The following PAPSS1 variants were observed in gnomAD, a reference collection of about 807,000 sequenced individuals.
PAPSS1 encodes bifunctional 3'-phosphoadenosine 5'-phosphosulfate synthase 1.
In PAPSS1, 50 loss-of-function variants were observed where a neutral mutation model predicts 72.0. The observed-to-expected ratio is 0.69, with a 90% CI of 0.55 to 0.88. PAPSS1 has a LOEUF of 0.88. PAPSS1 is among the 40% of genes least tolerant of loss of function. The pLI is 0.00. For synonymous variants in PAPSS1, 261 were observed against 263.6 expected, an observed-to-expected ratio of 0.99 and a Z score of 0.09; for missense variants, 657 against 782.2, an observed-to-expected ratio of 0.84 and a Z score of 1.91.
chr4:107,652,968 G>A (rs1726889025), intron 9 of PAPSS1, among the ~76,000 whole-genome samples: 1 of 151,676 alleles, frequency 6.6e-6, no homozygotes, highest in Non-Finnish European at 1.5e-5. Flanking sequence ...ATCATTATTT[G>A]CTGTGACACA....
chr4:107,637,113 G>A (rs1726405798), intron 10 of PAPSS1, among the ~76,000 whole-genome samples: 1 of 152,092 alleles, frequency 6.6e-6, no homozygotes, highest in Non-Finnish European at 1.5e-5. Flanking sequence ...GTCAATGATC[G>A]CTGATGGATA....
At chr4:107,700,820 G>A (rs1447355092) in intron 2 of PAPSS1, among the ~76,000 whole-genome samples, 2 of 152,122 alleles carry the variant, frequency 1.3e-5, no homozygotes, top group African/African-American at 2.4e-5. Flanking sequence ...CCAGTCTCTG[G>A]TATTCTGTTA....
At chr4:107,650,780 T>A (rs1222569108) in intron 9 of PAPSS1, among the ~76,000 whole-genome samples, 1 of 152,148 alleles carries the variant, frequency 6.6e-6, no homozygotes, top group Non-Finnish European at 1.5e-5. Flanking sequence ...AAAGTTAGCA[T>A]ATTTGGAATT....
In PAPSS1 at chr4:107,638,229, T is replaced by C. The variant is rs1002756992; in HGVS notation, c.1507-6369A>G. Among the ~76,000 whole-genome samples the C allele has an allele frequency of 2.6e-5, 4 of 152,234 alleles. No homozygotes were observed. In the East Asian group the frequency reaches 7.7e-4, roughly 29 times the overall value. ...GCAATGCAAAAATTATGAAATATAC[T>C]TGGACATTTCATTCTTCATCTTGTA... On this transcript the variant is annotated intron_variant, in intron 10 of 11. Transcript: ENST00000265174.
chr4:107,672,191 T>C (rs1727497248), intron 5 of PAPSS1, among the ~76,000 whole-genome samples: 1 of 152,130 alleles, frequency 6.6e-6, no homozygotes, highest in African/African-American at 2.4e-5. Context: ...ACCGGGCGCA[T>C]CTCACTGGGG....
chr4:107,675,123 A>G (rs1727603175), intron 5 of PAPSS1, among the ~76,000 whole-genome samples: 2 of 152,206 alleles, frequency 1.3e-5, no homozygotes, highest in East Asian at 3.8e-4. Context: ...AATTAAAAGA[A>G]CTAGAGAAGC....
intron 5 of PAPSS1, among the ~76,000 whole-genome samples, chr4:107,676,793 G>A (rs1298732010): frequency 1.2e-4 from 19 of 152,108 alleles, no homozygotes; most frequent in Non-Finnish European, 2.2e-4. Context: ...TATACTACAA[G>A]GCTACAGTAA....
In PAPSS1 at chr4:107,698,195, G is replaced by A. The variant is rs987542891; in HGVS notation, c.175+2976C>T. 6.6e-5 allele frequency among the ~76,000 whole-genome samples: 10 copies of A among 152,068 alleles called. No homozygotes were observed. The East Asian group carries it at 7.7e-4, about 12-fold the overall frequency. Reference sequence around the variant, plus strand: ...TAAAATCTGATAAAAAGTGAAACACGTCTAGCAAAACAGCATACAAAAATC... The same window carrying A: ...TAAAATCTGATAAAAAGTGAAACACATCTAGCAAAACAGCATACAAAAATC... On this transcript the variant is annotated intron_variant, in intron 2 of 11. Coordinates refer to ENST00000265174, the MANE Select transcript of PAPSS1 (RefSeq NM_005443.5).
At chr4:107,614,624 T>C (rs535546910) in intron 11 of PAPSS1, among the ~76,000 whole-genome samples, 87 of 152,294 alleles carry the variant, frequency 5.7e-4, no homozygotes, top group African/African-American at 2.0e-3. Context: ...GAGACCATTG[T>C]AGAGTCACAT....
At chr4:107,654,038 C>T (rs1726930129) in intron 8 of PAPSS1, among the ~76,000 whole-genome samples, 1 of 152,172 alleles carries the variant, frequency 6.6e-6, no homozygotes, top group Non-Finnish European at 1.5e-5. Flanking sequence ...CTCCACACCA[C>T]CTCAAATTTC....
chr4:107,617,489 T>C (rs1367165322), intron 11 of PAPSS1, among the ~76,000 whole-genome samples: 2 of 152,198 alleles, frequency 1.3e-5, no homozygotes, highest in East Asian at 3.9e-4. Context: ...TGTGACTCAT[T>C]TAATCAGTCA....
chr4:107,656,169 G>A (rs1727000175), intron 7 of PAPSS1, among the ~76,000 whole-genome samples: 3 of 152,074 alleles, frequency 2.0e-5, no homozygotes, highest in Admixed American at 2.0e-4. Flanking sequence ...CTAGAGTATA[G>A]TGGTGCCATG....
rs1553923320 is a variant in PAPSS1 at position 107,720,226 on chromosome 4, T to TAGCAAGAGGAGGGCAGGCC, written c.-48_-47insGGCCTGCCCTCCTCTTGCT. The TAGCAAGAGGAGGGCAGGCC allele has an allele frequency of 6.4e-7, 1 of 1,571,014 alleles. No homozygotes were observed. The highest frequency in any genetic ancestry group is 8.6e-7 in the Non-Finnish European group (1 of 1,158,280). ...GCCGGGGTTCTCTGCGCCGGGAGGG[T>TAGCAAGAGGAGGGCAGGCC]AGCAAGAGGAGGGCAGGCCAGCGAG... On this transcript the variant is annotated 5_prime_UTR_variant, in exon 1 of 12. Transcript: ENST00000265174.
intron 1 of PAPSS1, among the ~76,000 whole-genome samples, chr4:107,716,790 C>T (rs1578443055): frequency 6.6e-6 from 1 of 152,340 alleles, no homozygotes; most frequent in Middle Eastern, 3.4e-3. Flanking sequence ...ATATGGACAA[C>T]TTTAACTTCC....
intron 4 of PAPSS1, among the ~76,000 whole-genome samples, chr4:107,685,167 C>T (rs367789857): frequency 6.6e-6 from 1 of 152,144 alleles, no homozygotes; most frequent in South Asian, 2.1e-4. Flanking sequence ...CTCTTTTTGT[C>T]GCCAAAGCAT....
At chr4:107,682,740 AT>A (rs1245615629) in intron 4 of PAPSS1, among the ~76,000 whole-genome samples, 1 of 152,136 alleles carries the variant, frequency 6.6e-6, no homozygotes, top group Non-Finnish European at 1.5e-5. Flanking sequence ...TGACAAGATT[AT>A]TTTTTTCTCA....
intron 9 of PAPSS1, among the ~76,000 whole-genome samples, chr4:107,651,771 G>A (rs905747379): frequency 7.2e-5 from 11 of 152,130 alleles, no homozygotes; most frequent in African/African-American, 2.7e-4. Flanking sequence ...ATGAGATTTG[G>A]GAGGACACAG....
intron 11 of PAPSS1, among the ~76,000 whole-genome samples, chr4:107,624,743 C>T (rs950969012): frequency 1.2e-4 from 19 of 152,072 alleles, no homozygotes; most frequent in Non-Finnish European, 1.5e-5. Flanking sequence ...AAAGTATGTG[C>T]AAAATTAACA....
At chr4:107,645,180 G>T in intron 9 of PAPSS1, 110 bp from the exon 10 acceptor site, 1 of 644,998 alleles carries the variant, frequency 1.6e-6, no homozygotes. Context: ...CAAAACATAT[G>T]CAAACTCAGA....
Sources: gnomAD v4.1 joint callset for allele counts (sites outside exome capture counted in the v4.1 genomes callset) on GRCh38, gnomAD v4.1.1 for gene constraint, MANE v1.5 for transcripts, NCBI Gene and HGNC (gene_info 2026-07-23, HGNC 2026-07-21) for gene names.